The following MTFR1 variants were observed in gnomAD, a reference collection of about 807,000 sequenced individuals.
MTFR1 encodes the protein chondrocyte protein with a poly-proline region.
MTFR1 carries 28 observed loss-of-function variants against 38.8 expected under a neutral mutation model. That is an observed-to-expected ratio of 0.72 (90% CI 0.53 to 0.99). The LOEUF (loss-of-function observed/expected upper bound fraction) is 0.99. MTFR1 is among the 50% of genes least tolerant of loss of function. The probability of loss-of-function intolerance (pLI) is 0.00; values close to 1 mark genes in which losing one functional copy is unlikely to be tolerated. For synonymous variants in MTFR1, 145 were observed against 137.0 expected, an observed-to-expected ratio of 1.06 and a Z score of -0.41; for missense variants, 358 against 395.5, an observed-to-expected ratio of 0.91 and a Z score of 0.81.
chr8:65,689,315 A>G (rs1196900167), intron 3 of MTFR1, among the ~76,000 whole-genome samples: 1 of 152,186 alleles, frequency 6.6e-6, no homozygotes, highest in Non-Finnish European at 1.5e-5. Context: ...TACTTCTAAC[A>G]TTTTTATTCT....
At chr8:65,766,815 TA>T (rs1220050920) in intron 3 of MTFR1, among the ~76,000 whole-genome samples, 4 of 152,176 alleles carry the variant, frequency 2.6e-5, no homozygotes, top group African/African-American at 9.7e-5. Context: ...ATCAGTTAAT[TA>T]AATGCAGGAG....
At chr8:65,738,346 G>T (rs1197417709) in intron 3 of MTFR1, among the ~76,000 whole-genome samples, 1 of 152,176 alleles carries the variant, frequency 6.6e-6, no homozygotes, top group East Asian at 1.9e-4. Flanking sequence ...GTCAGAAAAT[G>T]AGACCCCAAA....
chr8:65,672,548 T>C (rs889122818), intron 2 of MTFR1, among the ~76,000 whole-genome samples: 2 of 152,174 alleles, frequency 1.3e-5, no homozygotes, highest in Non-Finnish European at 2.9e-5. Flanking sequence ...TCTCACTCTG[T>C]TGCCCAGGCT....
intron 1 of MTFR1, 105 bp from the exon 2 acceptor site, chr8:65,669,768 C>T (rs1262220704): frequency 1.8e-6 from 1 of 565,918 alleles, no homozygotes; most frequent in East Asian, 3.5e-5. Context: ...TCAGGCTGCA[C>T]ATGAAGTTTT....
chr8:65,663,374 C>T (rs1238639925), intron 1 of MTFR1, among the ~76,000 whole-genome samples: 2 of 151,822 alleles, frequency 1.3e-5, no homozygotes, highest in African/African-American at 4.8e-5. Context: ...ATCTCAAGTA[C>T]CCAGGGACAC....
intron 3 of MTFR1, among the ~76,000 whole-genome samples, chr8:65,736,681 T>C (rs892652014): frequency 6.6e-6 from 1 of 151,690 alleles, no homozygotes; most frequent in Non-Finnish European, 1.5e-5. Context: ...AGCCGAGAGG[T>C]TGAGGGTGCA....
chr8:65,751,551 GGT>G (rs1341229122), intron 3 of MTFR1, among the ~76,000 whole-genome samples: 3 of 151,810 alleles, frequency 2.0e-5, no homozygotes, highest in Admixed American at 6.6e-5. Context: ...AGAGTGCAAT[GGT>G]GCGATATCGG....
chr8:65,777,982 G>A, the MTFR1 span, among the ~76,000 whole-genome samples: 1 of 152,132 alleles, frequency 6.6e-6, no homozygotes, highest in African/African-American at 2.4e-5. Context: ...CTTCTTTAAA[G>A]ACTGCTCCTG....
intron 3 of MTFR1, among the ~76,000 whole-genome samples, chr8:65,756,425 TTC>T (rs138886717): frequency 0.039 from 5,969 of 152,246 alleles, 172 homozygotes; most frequent in Non-Finnish European, 0.06. Context: ...CTCTGTTCAT[TTC>T]TCTTTTTTTT....
chr8:65,747,948 TTATTTC>T lies in MTFR1; in HGVS notation c.*49-22993_*49-22988del, dbSNP rs547358848. ...ACATTTCCATGAAAGAAGTGATACT[TTATTTC>T]TATTTTATTTTATTTTTTTAAGTGA... On this transcript the variant is annotated intron_variant, in intron 3 of 3. Transcript: ENST00000521247. 875 of 487,638 alleles carry T rather than the reference TTATTTC, an allele frequency of 1.8e-3. 7 individuals are homozygous for T. The highest frequency in any genetic ancestry group is 0.015 in the African/African-American group (765 of 50,096). 30.2% of individuals were successfully genotyped at this position (487,638 alleles called of 1,614,324 possible).
intron 3 of MTFR1, among the ~76,000 whole-genome samples, chr8:65,729,039 T>G (rs2128894253): frequency 6.6e-6 from 1 of 152,242 alleles, no homozygotes; most frequent in East Asian, 1.9e-4. Flanking sequence ...AAATTTTCAA[T>G]ATTATAACAA....
intron 3 of MTFR1, chr8:65,747,832 T>C (rs1356222621): frequency 2.0e-6 from 3 of 1,529,904 alleles, no homozygotes; most frequent in Non-Finnish European, 1.8e-6. Context: ...AAGGTAAGTA[T>C]AGCAAGTTAA....
intron 3 of MTFR1, chr8:65,731,722 G>C (rs1364668994): frequency 4.6e-5 from 7 of 152,042 alleles, no homozygotes; most frequent in Non-Finnish European, 1.0e-4. Context: ...AATTTCTTTG[G>C]CTTGAAATAT....
chr8:65,705,080 C>T (rs1382061325), intron 5 of MTFR1, 151 bp downstream of exon 5: 2 of 675,542 alleles, frequency 3.0e-6, no homozygotes, highest in East Asian at 5.9e-5. Context: ...AATCCCAGCA[C>T]TTTGGGAGGC....
intron 3 of MTFR1, chr8:65,722,605 T>A (rs1045452014): frequency 1.3e-5 from 2 of 152,176 alleles, no homozygotes; most frequent in Non-Finnish European, 2.9e-5. Context: ...AGAATCCCCC[T>A]CCTTTATACC....
chr8:65,710,705 T>C (rs781445835), downstream of MTFR1: 1 of 151,988 alleles, frequency 6.6e-6, no homozygotes, highest in Non-Finnish European at 1.5e-5. Context: ...TCTCATTCAC[T>C]TTTTCTCATA....
chr8:65,719,353 C>T, intron 2 of MTFR1: 3 of 1,614,118 alleles, frequency 1.9e-6, no homozygotes, highest in Non-Finnish European at 2.5e-6. Context: ...CATCAGTGTC[C>T]TCACTGCTCG....
intron 2 of MTFR1, among the ~76,000 whole-genome samples, chr8:65,670,322 G>A (rs1489441186): frequency 6.6e-6 from 1 of 152,060 alleles, no homozygotes; most frequent in African/African-American, 2.4e-5. Flanking sequence ...AAATATGCTT[G>A]GCCAACACTT....
In MTFR1 at chr8:65,671,090, G is replaced by A. The variant is rs61079148; in HGVS notation, c.66+1072G>A. Among the ~76,000 whole-genome samples, 1,168 of 152,102 alleles carry A rather than the reference G, an allele frequency of 7.7e-3. 6 individuals are homozygous for A. The highest frequency in any genetic ancestry group is 0.025 in the African/African-American group (1,057 of 41,470). ...TTCCAAGGTTACATCTGTTTTCTTC[G>A]GAGATTAAAAAGTAGAGAACCAAAT... On this transcript the variant is annotated intron_variant, in intron 2 of 7. Transcript: ENST00000262146.
Sources: allele counts gnomAD v4.1 joint callset (sites outside exome capture counted in the v4.1 genomes callset), GRCh38; gene constraint gnomAD v4.1.1; transcripts MANE v1.5; gene names NCBI Gene and HGNC (gene_info 2026-07-23, HGNC 2026-07-21).